ZFPM1: variants seen among roughly 807,000 people sequenced by gnomAD.
The protein encoded by ZFPM1 is zinc finger protein, FOG family member 1, also known as zinc finger protein ZFPM1.
ZFPM1 carries 28 observed loss-of-function variants against 46.3 expected under a neutral mutation model. That is an observed-to-expected ratio of 0.60 (90% CI 0.45 to 0.83). The LOEUF (loss-of-function observed/expected upper bound fraction) is 0.83. Among genes scored for constraint, ZFPM1 ranks in the 40% least tolerant of loss-of-function variants. The pLI, the probability that ZFPM1 is intolerant of heterozygous loss-of-function variation, is 0.00. For synonymous variants in ZFPM1, 957 were observed against 675.9 expected (o/e 1.42, Z -6.45); for missense variants, 1,878 against 1,432.4 (o/e 1.31, Z -5.02).
At chr16:88,525,976 TC>T (rs1283270339) in intron 4 of ZFPM1, among the ~76,000 whole-genome samples, 1 of 152,134 alleles carries the variant, frequency 6.6e-6, no homozygotes, top group East Asian at 1.9e-4. Flanking sequence ...ATGAGCTCTG[TC>T]CCTCCCCTTC....
At chr16:88,478,804 C>T (rs1908798438) in intron 1 of ZFPM1, among the ~76,000 whole-genome samples, 1 of 152,146 alleles carries the variant, frequency 6.6e-6, no homozygotes, top group Non-Finnish European at 1.5e-5. Context: ...GCAAGGGCGG[C>T]AGGGGAAGGA....
chr16:88,504,703 G>C (rs117980757), intron 3 of ZFPM1, among the ~76,000 whole-genome samples: 1,825 of 152,296 alleles, frequency 0.012, 18 homozygotes, highest in Middle Eastern at 0.017. Flanking sequence ...GCCCCAGACG[G>C]GGCCAAGGTA....
At position 88,490,746 on chromosome 16, in the gene ZFPM1, T is replaced by C. The variant is rs113017900; in HGVS notation, c.268+1593T>C. 1.6e-3 allele frequency among the ~76,000 whole-genome samples: 239 copies of C among 152,256 alleles called. 1 individual carries two copies. Among genetic ancestry groups the C allele is most frequent in the African/African-American group, 5.6e-3 (231 of 41,548 alleles). On this transcript the variant is annotated intron_variant, in intron 3 of 9. Transcript: ENST00000319555. ...ACCCGGCCCCATGGGGAAGCTGAGTTACACCTGCATGGGCTGTGGGGCTGC... is the reference window on the plus strand; with the variant it reads ...ACCCGGCCCCATGGGGAAGCTGAGTCACACCTGCATGGGCTGTGGGGCTGC...
rs1909633799 is a variant in ZFPM1 at position 88,492,455 on chromosome 16, G to A, written c.268+3302G>A. 2.0e-5 allele frequency among the ~76,000 whole-genome samples: 3 copies of A among 152,302 alleles called. No individual in the cohort carries two copies. The South Asian group carries it at 6.2e-4, about 32-fold the overall frequency. On this transcript the variant is annotated intron_variant, in intron 3 of 9. Coordinates refer to ENST00000319555, the MANE Select transcript of ZFPM1 (RefSeq NM_153813.3). ...AGGGAGCACCAGCTCGGACCAAGGG[G>A]CACTCTGCACCTTGTGGCTTTGGGG...
chr16:88,472,394 G>A (rs1177140530), intron 1 of ZFPM1, among the ~76,000 whole-genome samples: 5 of 144,194 alleles, frequency 3.5e-5, no homozygotes, highest in Non-Finnish European at 6.0e-5. Context: ...TCGCTGTGTC[G>A]CCAGGCTGGA....
chr16:88,487,522 C>T (rs1909299259), intron 2 of ZFPM1, among the ~76,000 whole-genome samples: 1 of 152,132 alleles, frequency 6.6e-6, no homozygotes, highest in Non-Finnish European at 1.5e-5. Flanking sequence ...CCAAAGGCTC[C>T]AAGGCCAACG....
At chr16:88,511,855 C>T (rs994847003) in intron 3 of ZFPM1, among the ~76,000 whole-genome samples, 2 of 152,222 alleles carry the variant, frequency 1.3e-5, no homozygotes, top group Non-Finnish European at 2.9e-5. Flanking sequence ...GCACCTTTCC[C>T]GTGCACAGCC....
chr16:88,487,973 C>T (rs1372440057), intron 2 of ZFPM1, among the ~76,000 whole-genome samples: 2 of 152,256 alleles, frequency 1.3e-5, no homozygotes, highest in Non-Finnish European at 1.5e-5. Flanking sequence ...ACACGCTGCT[C>T]GTGGTACAGC....
rs1251956786 is a variant in ZFPM1 at position 88,453,551 on chromosome 16, G to A, written c.-88G>A. 1.5e-6 allele frequency: 1 copy of A among 667,756 alleles called. No homozygotes were observed. The highest frequency in any genetic ancestry group is 6.6e-5 in the Admixed American group (1 of 15,248). The allele number at this position is 667,756 out of a possible 1,614,324, so 41.4% of individuals were successfully genotyped here. A position where few individuals can be genotyped will look rare whatever the true frequency, so the allele number is the denominator to read the frequency against. ...AGACCGGGGGCCGGGGGCATGAGCG[G>A]CCCCGCGGCCCCGCCGCGCCCCCGC... On this transcript the variant is annotated 5_prime_UTR_variant, in exon 1 of 10. Coordinates refer to ENST00000319555, the MANE Select transcript of ZFPM1 (RefSeq NM_153813.3).
At chr16:88,513,978 C>T (rs532335199) in intron 3 of ZFPM1, among the ~76,000 whole-genome samples, 1 of 152,350 alleles carries the variant, frequency 6.6e-6, no homozygotes, top group East Asian at 1.9e-4. Context: ...TGCAAAGACC[C>T]TTTTTCCAAA....
chr16:88,483,630 G>A (rs1304810503), intron 1 of ZFPM1, among the ~76,000 whole-genome samples: 1 of 152,142 alleles, frequency 6.6e-6, no homozygotes, highest in Admixed American at 6.5e-5. Context: ...TTCGGCCGGG[G>A]CCCATCTGTT....
chr16:88,453,796 C>T (rs1907403650), intron 1 of ZFPM1, 118 bp downstream of exon 1: 3 of 545,956 alleles, frequency 5.5e-6, no homozygotes, highest in South Asian at 1.5e-4. Flanking sequence ...CTTCACCCCG[C>T]GCCGCGCCCC....
At position 88,528,040 on chromosome 16, in the gene ZFPM1, C is replaced by T; in HGVS notation, c.514C>T (p.Leu172Phe). 2 of 1,545,016 alleles carry T rather than the reference C, an allele frequency of 1.3e-6. No individual in the cohort carries two copies. The highest frequency in any genetic ancestry group is 2.7e-5 in the African/African-American group (2 of 73,180). Reference sequence around the variant, plus strand: ...CACCTGTCTCCCTCCAGATGACGCACTCTGGTGCAGGGTCACCAAGCCGGT... The same window carrying T: ...CACCTGTCTCCCTCCAGATGACGCATTCTGGTGCAGGGTCACCAAGCCGGT... ...NTEIHRKDDA[L>F]WCRVTKPVPA... The change falls in exon 6 of 10, where the codon CTC becomes TTC. Residue 172 changes from leucine (L) to phenylalanine (F), a missense_variant. Leu to Phe is a conservative substitution (Grantham distance 22, BLOSUM62 0). Coordinates refer to ENST00000319555, the MANE Select transcript of ZFPM1 (RefSeq NM_153813.3).
rs745773459 is a variant in ZFPM1 at position 88,534,364 on chromosome 16, G to A, written c.2406G>A (p.Arg802=). 9 of 1,429,826 alleles carry A rather than the reference G, an allele frequency of 6.3e-6. No individual in the cohort carries two copies. The Admixed American group carries it at 2.5e-4, about 40-fold the overall frequency. The allele number at this position is 1,429,826 out of a possible 1,614,324, so 88.6% of individuals were successfully genotyped here. The change falls in exon 10 of 10, where the codon CGG becomes CGA. Residue 802 remains arginine (R), a synonymous_variant. Transcript: ENST00000319555. ...DGPIDLSKKP[R]RPLPGAPAPA... is the part of the protein sequence containing the mutation. ...CCATCGACCTGAGCAAGAAGCCGCG[G>A]CGCCCGCTCCCCGGAGCCCCGGCAC... is the stretch of plus-strand genomic sequence containing the variant.
intron 4 of ZFPM1, among the ~76,000 whole-genome samples, chr16:88,520,673 A>G (rs1393227150): frequency 1.3e-5 from 1 of 77,188 alleles, no homozygotes; most frequent in South Asian, 5.1e-4. Context: ...GGGTGGGTGG[A>G]TGGGTGGATG....
intron 1 of ZFPM1, among the ~76,000 whole-genome samples, chr16:88,468,697 C>T (rs1908273806): frequency 6.6e-6 from 1 of 152,124 alleles, no homozygotes; most frequent in Non-Finnish European, 1.5e-5. Flanking sequence ...CCCCAGAGCC[C>T]CACCCCCATG....
At chr16:88,488,933 C>G in intron 2 of ZFPM1, 98 bp from the exon 3 acceptor site, 1 of 1,509,028 alleles carries the variant, frequency 6.6e-7, no homozygotes, top group African/African-American at 1.4e-5. Context: ...AGCTCCCCAA[C>G]CCGGCGCCCA....
chr16:88,493,336 G>A (rs1394822916), intron 3 of ZFPM1, among the ~76,000 whole-genome samples: 1 of 146,320 alleles, frequency 6.8e-6, no homozygotes, highest in Admixed American at 6.7e-5. Flanking sequence ...ATTGTCCCGG[G>A]GTGGGGAGAC....
At position 88,480,431 on chromosome 16, in the gene ZFPM1, GAAGGA is replaced by G. The variant is rs1908880236; in HGVS notation, c.41-5504_41-5500del. On this transcript the variant is annotated intron_variant, in intron 1 of 9. Transcript: ENST00000319555. The surrounding 1 kb of genome is among the most constrained non-coding windows in gnomAD (Gnocchi z 4.9). ...TGAGTGAGGGAGCGGATGAAAGAGT[GAAGGA>G]AAGAGCCGTGGTGCTGGTGGGGGAG... is the stretch of plus-strand genomic sequence containing the variant. Among the ~76,000 whole-genome samples the G allele has an allele frequency of 2.6e-5, 4 of 152,334 alleles. No individual in the cohort carries two copies. The South Asian group carries it at 8.3e-4, about 32-fold the overall frequency.
Sources: gnomAD v4.1 joint callset for allele counts (sites outside exome capture counted in the v4.1 genomes callset) on GRCh38, gnomAD v4.1.1 for gene constraint, Gnocchi (gnomAD v3.1) non-coding constraint, MANE v1.5 for transcripts, NCBI Gene and HGNC (gene_info 2026-07-23, HGNC 2026-07-21) for gene names.